TMEM214: variants seen among roughly 807,000 people sequenced by gnomAD.
TMEM214 encodes transmembrane protein 214.
TMEM214 carries 71 observed loss-of-function variants against 89.8 expected under a neutral mutation model. The observed-to-expected ratio is 0.79, with a 90% confidence interval of 0.65 to 0.96. TMEM214 has a LOEUF of 0.96. TMEM214 is among the 40% of genes least tolerant of loss of function. The pLI is 0.00. For missense variants in TMEM214, 754 were observed against 843.4 expected, an observed-to-expected ratio of 0.89 and a Z score of 1.31; for synonymous variants, 332 against 349.5, an observed-to-expected ratio of 0.95 and a Z score of 0.56.
At chr2:27,039,585 C>T in intron 13 of TMEM214, 156 bp from the exon 14 acceptor site, 1 of 696,850 alleles carries the variant, frequency 1.4e-6, no homozygotes, top group South Asian at 1.7e-5. Flanking sequence ...CTCTGCATGC[C>T]TCCCTCCACA....
At chr2:27,034,814 C>T (rs1330686246) in intron 2 of TMEM214, among the ~76,000 whole-genome samples, 1 of 151,692 alleles carries the variant, frequency 6.6e-6, no homozygotes, top group Non-Finnish European at 1.5e-5. Flanking sequence ...GAACTCCTGA[C>T]CTCAGGTGAT....
chr2:27,033,091 G>A lies in TMEM214; in HGVS notation c.76G>A (p.Ala26Thr). The change falls in exon 1 of 17, where the codon GCC becomes ACC. Residue 26 changes from alanine to threonine, a missense_variant. By Grantham distance (58) the Ala-to-Thr change is moderately conservative. Coordinates refer to ENST00000238788, the MANE Select transcript of TMEM214 (RefSeq NM_017727.5). ...TCGGCGGCCTGGGGTCGGCGCCGGC[G>A]CCGGCGGCCGAGGAGGCGGCAGGAA... is the stretch of plus-strand genomic sequence containing the variant. ...KGRRPGVGAGAGGRGGGRNRR... is the reference protein window; with the variant it reads ...KGRRPGVGAGTGGRGGGRNRR... The A allele has an allele frequency of 6.4e-6, 8 of 1,246,804 alleles. No individual in the cohort carries two copies. Among genetic ancestry groups the A allele is most frequent in the Non-Finnish European group, 8.1e-6 (8 of 987,370 alleles). 77.2% of individuals were successfully genotyped at this position (1,246,804 alleles called of 1,614,324 possible).
At position 27,040,258 on chromosome 2, in the gene TMEM214, A is replaced by G. The variant is rs1188911169; in HGVS notation, c.1791+60A>G. The stretch of plus-strand genomic sequence containing the variant: ...GTTTTCCCAGGAGCAGAATTCTGGG[A>G]AAGGAGCAGCACTGTGTGGCCTGAG... On this transcript the variant is annotated intron_variant, in intron 15 of 16. Coordinates refer to ENST00000238788, the MANE Select transcript of TMEM214 (RefSeq NM_017727.5). 1.4e-5 allele frequency: 23 copies of G among 1,606,014 alleles called. No homozygotes were observed. In the East Asian group the frequency reaches 5.1e-4, roughly 36 times the overall value.
At chr2:27,040,654 C>G in intron 16 of TMEM214, 57 bp from the exon 17 acceptor site, 1 of 1,602,196 alleles carries the variant, frequency 6.2e-7, no homozygotes, top group East Asian at 2.2e-5. Flanking sequence ...CTTTCATCCC[C>G]GAAAGTTGAC....
intron 2 of TMEM214, 95 bp from the exon 3 acceptor site, chr2:27,035,040 C>T (rs908779936): frequency 7.0e-6 from 10 of 1,424,668 alleles, no homozygotes; most frequent in Non-Finnish European, 9.7e-6. Context: ...TTCCTACTGC[C>T]ACCTAGTTCA....
chr2:27,040,101 C>T lies in TMEM214; in HGVS notation c.1694C>T (p.Ala565Val), dbSNP rs761722410. ...GTGGTGCGGCCCAGCTTGCAGCTGGCCTGGGCTCACACCAATGCCACAGTC... is the reference window on the plus strand; with the variant it reads ...GTGGTGCGGCCCAGCTTGCAGCTGGTCTGGGCTCACACCAATGCCACAGTC... ...LTVVRPSLQL[A>V]WAHTNATVSF... Residue 565 changes from alanine to valine, a missense_variant, in exon 15 of 17, where the codon GCC (alanine) becomes GTC (valine). Ala to Val is a moderately conservative substitution (Grantham distance 64). Coordinates refer to ENST00000238788, the MANE Select transcript of TMEM214 (RefSeq NM_017727.5). 6.2e-7 allele frequency: 1 copy of T among 1,609,252 alleles called. No individual in the cohort carries two copies. The highest frequency in any genetic ancestry group is 8.5e-7 in the Non-Finnish European group (1 of 1,180,016).
intron 13 of TMEM214, 160 bp from the exon 14 acceptor site, chr2:27,039,581 A>C: frequency 1.5e-6 from 1 of 684,838 alleles, no homozygotes; most frequent in Non-Finnish European, 2.6e-6. Flanking sequence ...GCAGCTCTGC[A>C]TGCCTCCCTC....
chr2:27,039,555 G>T, intron 13 of TMEM214, 186 bp from the exon 14 acceptor site: 1 of 628,334 alleles, frequency 1.6e-6, no homozygotes, highest in Non-Finnish European at 2.9e-6. Context: ...TGCACACCTG[G>T]CCCAGCAGGA....
intron 16 of TMEM214, 72 bp from the exon 17 acceptor site, chr2:27,040,639 C>CT (rs1667798302): frequency 6.3e-7 from 1 of 1,597,512 alleles, no homozygotes; most frequent in African/African-American, 1.3e-5. Flanking sequence ...GGTTGTGGGT[C>CT]TAAGCTTTCA....
rs1667400478 is a variant in TMEM214, at chr2:27,033,056, T to A, written c.41T>A (p.Val14Glu). 7 of 1,246,798 alleles carry A rather than the reference T, an allele frequency of 5.6e-6. No homozygotes were observed. Among genetic ancestry groups the A allele is most frequent in the Non-Finnish European group, 7.1e-6 (7 of 987,766 alleles). 77.2% of individuals were successfully genotyped at this position (1,246,798 alleles called of 1,614,324 possible). A position where few individuals can be genotyped will look rare whatever the true frequency, so the allele number is the denominator to read the frequency against. Residue 14 changes from valine (V) to glutamate (E), a missense_variant, in exon 1 of 17, where the codon GTG (valine) becomes GAG (glutamate). Val to Glu is a moderately radical substitution (Grantham distance 121). Transcript: ENST00000238788. ...GCGGGCGTGGGGCGGTGGGAGGTAGTGAAGAAGGGTCGGCGGCCTGGGGTC... is the reference window on the plus strand; with the variant it reads ...GCGGGCGTGGGGCGGTGGGAGGTAGAGAAGAAGGGTCGGCGGCCTGGGGTC... ...KTAGVGRWEV[V>E]KKGRRPGVGA... is the part of the protein sequence containing the mutation.
At chr2:27,036,912 C>T (rs931147755) in intron 7 of TMEM214, 126 bp downstream of exon 7, 2 of 1,152,310 alleles carry the variant, frequency 1.7e-6, no homozygotes, top group Non-Finnish European at 2.6e-6. Context: ...TCTCCCACCA[C>T]CTTAGAATGT....
In TMEM214 at chr2:27,041,390, GAGCTGGATGGAA is replaced by G. The variant is rs1338045424; in HGVS notation, c.*555_*566del. ...GGGTGTGGCTGTCAGTGGACATGGG[GAGCTGGATGGAA>G]ATGCCTCTCACTTCAAAATGCCCAG... On this transcript the variant is annotated 3_prime_UTR_variant, in exon 17 of 17. Transcript: ENST00000238788. 2 of 154,420 alleles carry G rather than the reference GAGCTGGATGGAA, an allele frequency of 1.3e-5. No homozygotes were observed. The highest frequency in any genetic ancestry group is 4.8e-5 in the African/African-American group (2 of 41,444). The allele number at this position is 154,420 out of a possible 1,614,324, so 9.6% of individuals were successfully genotyped here. A position where few individuals can be genotyped will look rare whatever the true frequency, so the allele number is the denominator to read the frequency against.
chr2:27,041,478 A>G lies in TMEM214; in HGVS notation c.*641A>G, dbSNP rs1213273285. ...TCCCTGTCCCCTCCCTTGTAGTCCTACTTCTTCCAACTTTCCATTCCCCAT... is the reference window on the plus strand; with the variant it reads ...TCCCTGTCCCCTCCCTTGTAGTCCTGCTTCTTCCAACTTTCCATTCCCCAT... On this transcript the variant is annotated 3_prime_UTR_variant, in exon 17 of 17. Coordinates refer to ENST00000238788, the MANE Select transcript of TMEM214 (RefSeq NM_017727.5). 8.4e-5 allele frequency: 13 copies of G among 154,006 alleles called. No homozygotes were observed. Among genetic ancestry groups the G allele is most frequent in the Non-Finnish European group, 8.8e-5 (6 of 68,300 alleles). 9.5% of individuals were successfully genotyped at this position (154,006 alleles called of 1,614,324 possible).
chr2:27,037,010 G>T, intron 7 of TMEM214, 67 bp from the exon 8 acceptor site: 4 of 1,424,786 alleles, frequency 2.8e-6, no homozygotes, highest in Middle Eastern at 1.7e-4. Flanking sequence ...TGGCTTAGCT[G>T]GGGTCATGGC....
At chr2:27,036,347 G>A in intron 5 of TMEM214, 140 bp from the exon 6 acceptor site, 2 of 778,428 alleles carry the variant, frequency 2.6e-6, no homozygotes, top group South Asian at 3.1e-5. Flanking sequence ...AACAGAACCT[G>A]CACCACGTGG....
chr2:27,034,845 A>C (rs1572785762), intron 2 of TMEM214, among the ~76,000 whole-genome samples: 1 of 151,946 alleles, frequency 6.6e-6, no homozygotes, highest in South Asian at 2.1e-4. Context: ...TGGCCTCCCA[A>C]AGTGCTGGGA....
Position 27,040,039 on chromosome 2 carries a change from G to A in TMEM214, c.1632G>A (p.Gly544=), listed in dbSNP as rs753742561. The part of the protein sequence containing the change: ...SYSLQGYSWL[G]ETLPLWGSHL... Reference sequence around the variant, plus strand: ...CTTCCATCTTCCACAGCTGGCTGGGGGAGACACTGCCGCTCTGGGGCTCCC... The same window carrying A: ...CTTCCATCTTCCACAGCTGGCTGGGAGAGACACTGCCGCTCTGGGGCTCCC... The change falls in exon 15 of 17, where the codon GGG becomes GGA. Residue 544 remains glycine, a synonymous_variant. Coordinates refer to ENST00000238788, the MANE Select transcript of TMEM214 (RefSeq NM_017727.5). 7.5e-6 allele frequency: 12 copies of A among 1,605,014 alleles called. No individual in the cohort carries two copies. The highest frequency in any genetic ancestry group is 1.0e-5 in the Non-Finnish European group (12 of 1,179,130).
At position 27,038,820 on chromosome 2, in the gene TMEM214, TGGCACCC is replaced by T; in HGVS notation, c.1407+8_1407+14del. On this transcript the variant is annotated splice_donor_region_variant and intron_variant, in intron 12 of 16. Coordinates refer to ENST00000238788, the MANE Select transcript of TMEM214 (RefSeq NM_017727.5). This position sits in a 1 kb window ranked among gnomAD's most constrained non-coding sequence, Gnocchi z 4.4. ...ACCTGTGACATGGCCTGCAAGGTGC[TGGCACCC>T]GGTCCTCTCCAGCCCACACGCTATC... The T allele has an allele frequency of 1.2e-6, 2 of 1,610,622 alleles. No homozygotes were observed. The highest frequency in any genetic ancestry group is 1.7e-6 in the Non-Finnish European group (2 of 1,176,996).
chr2:27,039,767 T>TG lies in TMEM214; in HGVS notation c.1552_1553insG (p.Ser518CysfsTer8). 1 of 1,614,208 alleles carries TG rather than the reference T, an allele frequency of 6.2e-7. No individual in the cohort carries two copies. The highest frequency in any genetic ancestry group is 1.3e-5 in the African/African-American group (1 of 75,056). ...CTCCCTTACTGGCCGGTTGCTTCGA[T>TG]CATCTGGCTTCTTACCTGCTAGCCA... On this transcript the variant is annotated frameshift_variant, in exon 14 of 17. Coordinates refer to ENST00000238788, the MANE Select transcript of TMEM214 (RefSeq NM_017727.5). LOFTEE classifies it high-confidence loss of function.
Sources: allele counts gnomAD v4.1 joint callset (sites outside exome capture counted in the v4.1 genomes callset), GRCh38; gene constraint gnomAD v4.1.1; non-coding constraint Gnocchi (gnomAD v3.1); transcripts MANE v1.5; gene names NCBI Gene and HGNC (gene_info 2026-07-23, HGNC 2026-07-21).